Variants in TAS1R3 observed in about 807,000 individuals in gnomAD.
The protein encoded by TAS1R3 is taste 1 receptor member 3.
TAS1R3 carries 58 observed loss-of-function variants against 46.1 expected under a neutral mutation model. The observed-to-expected ratio is 1.26, with a 90% CI of 1.02 to 1.57. TAS1R3 has a LOEUF of 1.57. Among genes scored for constraint, TAS1R3 ranks in the 40% most tolerant of loss-of-function variants. TAS1R3 has a pLI of 0.00. For missense variants in TAS1R3, 1,422 were observed against 1,185.8 expected, an observed-to-expected ratio of 1.20 and a Z score of -2.93; for synonymous variants, 724 against 544.7, an observed-to-expected ratio of 1.33 and a Z score of -4.58.
rs745427512 is a variant in TAS1R3 at position 1,332,636 on chromosome 1, C to A, written c.1105C>A (p.Arg369Ser). 1 of 1,608,586 alleles carries A rather than the reference C, an allele frequency of 6.2e-7. No individual in the cohort carries two copies. Among genetic ancestry groups the A allele is most frequent in the Non-Finnish European group, 8.5e-7 (1 of 1,179,692 alleles). The change falls in exon 3 of 6, where the codon CGC (arginine) becomes AGC (serine). Residue 369 changes from arginine (R) to serine (S), a missense_variant. Physicochemically the swap from Arg to Ser is moderately radical, Grantham distance 110. Transcript: ENST00000339381. ...QGLEEDVVGQ[R>S]CPQCDCITLQ... is the part of the protein sequence containing the mutation. The stretch of plus-strand genomic sequence containing the variant: ...TCTGGAGGAGGACGTGGTGGGCCAG[C>A]GCTGCCCGCAGTGTGACTGCATCAC...
chr1:1,333,045 G>C lies in TAS1R3; in HGVS notation c.1400G>C (p.Arg467Thr). Residue 467 changes from arginine to threonine, a missense_variant, in exon 4 of 6, where the codon AGG (arginine) becomes ACG (threonine). By Grantham distance (71) the Arg-to-Thr change is moderately conservative. Transcript: ENST00000339381. ...KLWVWQGSVP[R>T]LHDVGRFNGS... ...TGGGTGTGGCAGGGCTCAGTGCCCA[G>C]GCTCCACGACGTGGGCAGGTTCAAC... 6.2e-7 allele frequency: 1 copy of C among 1,612,756 alleles called. No homozygotes were observed. Among genetic ancestry groups the C allele is most frequent in the Non-Finnish European group, 8.5e-7 (1 of 1,179,932 alleles).
Position 1,334,412 on chromosome 1 carries a change from A to T in TAS1R3, c.2507A>T (p.Asp836Val). ...TTCTTCCTGGGAGGGGGCCCTGGGG[A>T]TGCCCAAGGCCAGAATGACGGGAAC... ...PEFFLGGGPG[D>V]AQGQNDGNTG... Residue 836 changes from aspartate to valine, a missense_variant, in exon 6 of 6, where the codon GAT becomes GTT. Physicochemically the swap from Asp to Val is radical, Grantham distance 152. Coordinates refer to ENST00000339381, the MANE Select transcript of TAS1R3 (RefSeq NM_152228.3). 6.2e-7 allele frequency: 1 copy of T among 1,604,662 alleles called. No homozygotes were observed. The highest frequency in any genetic ancestry group is 8.5e-7 in the Non-Finnish European group (1 of 1,175,332).
rs1297171240 is a variant in TAS1R3 at position 1,334,658 on chromosome 1, G to A, written c.*194G>A. On this transcript the variant is annotated 3_prime_UTR_variant, in exon 6 of 6. Transcript: ENST00000339381. ...CCCCTGTGACCATCTGGGCCCCAGA[G>A]CCAAGCTGTGTCCCTGTCCCTCTGT... 7 of 628,030 alleles carry A rather than the reference G, an allele frequency of 1.1e-5. No individual in the cohort carries two copies. The highest frequency in any genetic ancestry group is 2.1e-5 in the South Asian group (1 of 46,656). 38.9% of individuals were successfully genotyped at this position (628,030 alleles called of 1,614,324 possible). A position where few individuals can be genotyped will look rare whatever the true frequency, so the allele number is the denominator to read the frequency against.
At chr1:1,331,593 T>C in intron 1 of TAS1R3, 45 bp from the exon 2 acceptor site, 1 of 1,604,802 alleles carries the variant, frequency 6.2e-7, no homozygotes, top group Non-Finnish European at 8.5e-7. Flanking sequence ...GGGGTGCTCC[T>C]GAGCTGGGGC....
chr1:1,333,615 GCTGCTGCTC>G lies in TAS1R3; in HGVS notation c.1719_1727del (p.Leu574_Leu576del). 1 of 1,610,542 alleles carries G rather than the reference GCTGCTGCTC, an allele frequency of 6.2e-7. No homozygotes were observed. The highest frequency in any genetic ancestry group is 1.7e-4 in the Middle Eastern group (1 of 6,060). ...TGGCATGGGGCGAGCCGGCTGTGCT[GCTGCTGCTC>G]CTGCTGCTGAGCCTGGCGCTGGGCC... is the stretch of plus-strand genomic sequence containing the variant. On this transcript the variant is annotated inframe_deletion, in exon 6 of 6. Transcript: ENST00000339381.
At position 1,331,638 on chromosome 1, in the gene TAS1R3, G is replaced by A. The variant is rs753961481; in HGVS notation, c.192G>A (p.Arg64=). 16 of 1,609,016 alleles carry A rather than the reference G, an allele frequency of 9.9e-6. No homozygotes were observed. Among genetic ancestry groups the A allele is most frequent in the Non-Finnish European group, 1.4e-5 (16 of 1,177,148 alleles). Residue 64 remains arginine, a splice_region_variant and synonymous_variant, in exon 2 of 6, where the codon AGG becomes AGA. Coordinates refer to ENST00000339381, the MANE Select transcript of TAS1R3 (RefSeq NM_152228.3). ...CATCTGCGGTTCTGTGTGGCCCCAG[G>A]TTCTCCTCAAACGGCCTGCTCTGGG... The part of the protein sequence containing the change: ...RTRPSSPVCT[R]FSSNGLLWAL...
Position 1,334,334 on chromosome 1 carries a change from A to T in TAS1R3, c.2429A>T (p.His810Leu). Residue 810 changes from histidine (H) to leucine (L), a missense_variant, in exon 6 of 6, where the codon CAC becomes CTC. Transcript: ENST00000339381. ...LCVLGILAAF[H>L]LPRCYLLMRQ... is the part of the protein sequence containing the mutation. ...GTCCTGGGCATCCTGGCTGCCTTCC[A>T]CCTGCCCAGGTGTTACCTGCTCATG... The T allele has an allele frequency of 6.2e-7, 1 of 1,611,316 alleles. No homozygotes were observed. Among genetic ancestry groups the T allele is most frequent in the Non-Finnish European group, 8.5e-7 (1 of 1,179,208 alleles).
chr1:1,333,734 G>A lies in TAS1R3; in HGVS notation c.1829G>A (p.Gly610Asp), dbSNP rs765039824. The A allele has an allele frequency of 5.2e-5, 84 of 1,603,548 alleles. No homozygotes were observed. The Admixed American group carries it at 1.4e-3, about 26-fold the overall frequency. Reference protein sequence around the residue: ...QASGGPLACFGLVCLGLVCLS... With the variant: ...QASGGPLACFDLVCLGLVCLS... The stretch of plus-strand genomic sequence containing the variant: ...TCGGGGGGGCCCCTGGCCTGCTTTG[G>A]CCTGGTGTGCCTGGGCCTGGTCTGC... The change falls in exon 6 of 6, where the codon GGC (glycine) becomes GAC (aspartate). Residue 610 changes from glycine to aspartate, a missense_variant. Coordinates refer to ENST00000339381, the MANE Select transcript of TAS1R3 (RefSeq NM_152228.3).
Position 1,334,625 on chromosome 1 carries a change from C to G in TAS1R3, c.*161C>G. 1 of 781,790 alleles carries G rather than the reference C, an allele frequency of 1.3e-6. No homozygotes were observed. The highest frequency in any genetic ancestry group is 2.0e-6 in the Non-Finnish European group (1 of 505,802). The allele number at this position is 781,790 out of a possible 1,614,324, so 48.4% of individuals were successfully genotyped here. A position where few individuals can be genotyped will look rare whatever the true frequency, so the allele number is the denominator to read the frequency against. ...CACAGTGAGCCCTAGGCCTGGAGCA[C>G]GTGGACACCCCTGTGACCATCTGGG... On this transcript the variant is annotated 3_prime_UTR_variant, in exon 6 of 6. Transcript: ENST00000339381.
In TAS1R3 at chr1:1,334,382, C is replaced by T. The variant is rs749544965; in HGVS notation, c.2477C>T (p.Pro826Leu). 11 of 1,608,568 alleles carry T rather than the reference C, an allele frequency of 6.8e-6. No individual in the cohort carries two copies. In the Admixed American group the frequency reaches 8.4e-5, roughly 12 times the overall value. Residue 826 changes from proline to leucine, a missense_variant, in exon 6 of 6, where the codon CCC (proline) becomes CTC (leucine). Physicochemically the swap from Pro to Leu is moderately conservative, Grantham distance 98. Transcript: ENST00000339381. ...ATGCGGCAGCCAGGGCTCAACACCCCCGAGTTCTTCCTGGGAGGGGGCCCT... is the reference window on the plus strand; with the variant it reads ...ATGCGGCAGCCAGGGCTCAACACCCTCGAGTTCTTCCTGGGAGGGGGCCCT... The part of the protein sequence containing the change: ...LLMRQPGLNT[P>L]EFFLGGGPGD...
Position 1,334,587 on chromosome 1 carries a change from C to T in TAS1R3, c.*123C>T. The stretch of plus-strand genomic sequence containing the variant: ...CTAGGTTCTGACCCCAGGTTGTCTC[C>T]TGACCCTGACCCCACAGTGAGCCCT... On this transcript the variant is annotated 3_prime_UTR_variant, in exon 6 of 6. Coordinates refer to ENST00000339381, the MANE Select transcript of TAS1R3 (RefSeq NM_152228.3). 1 of 1,107,166 alleles carries T rather than the reference C, an allele frequency of 9.0e-7. No homozygotes were observed. The highest frequency in any genetic ancestry group is 1.2e-6 in the Non-Finnish European group (1 of 800,382). The allele number at this position is 1,107,166 out of a possible 1,614,324, so 68.6% of individuals were successfully genotyped here.
chr1:1,334,715 C>A lies in TAS1R3; in HGVS notation c.*251C>A. 2.1e-6 allele frequency: 1 copy of A among 483,846 alleles called. No homozygotes were observed. The highest frequency in any genetic ancestry group is 3.6e-6 in the Non-Finnish European group (1 of 274,478). The allele number at this position is 483,846 out of a possible 1,614,324, so 30.0% of individuals were successfully genotyped here. On this transcript the variant is annotated 3_prime_UTR_variant, in exon 6 of 6. Coordinates refer to ENST00000339381, the MANE Select transcript of TAS1R3 (RefSeq NM_152228.3). ...ACCAGGCCTGCCCAGGTAACCCAGA[C>A]CCACTGTTCTGGAAAGAGGCCCGGA...
At position 1,334,636 on chromosome 1, in the gene TAS1R3, C is replaced by A; in HGVS notation, c.*172C>A. 2 of 708,582 alleles carry A rather than the reference C, an allele frequency of 2.8e-6. No individual in the cohort carries two copies. Among genetic ancestry groups the A allele is most frequent in the Non-Finnish European group, 4.5e-6 (2 of 441,378 alleles). The allele number at this position is 708,582 out of a possible 1,614,324, so 43.9% of individuals were successfully genotyped here. A position where few individuals can be genotyped will look rare whatever the true frequency, so the allele number is the denominator to read the frequency against. On this transcript the variant is annotated 3_prime_UTR_variant, in exon 6 of 6. Coordinates refer to ENST00000339381, the MANE Select transcript of TAS1R3 (RefSeq NM_152228.3). ...CTAGGCCTGGAGCACGTGGACACCC[C>A]TGTGACCATCTGGGCCCCAGAGCCA...
rs1443412129 is a variant in TAS1R3 at position 1,332,436 on chromosome 1, C to A, written c.905C>A (p.Ala302Asp). Residue 302 changes from alanine to aspartate, a missense_variant, in exon 3 of 6, where the codon GCC becomes GAC. Coordinates refer to ENST00000339381, the MANE Select transcript of TAS1R3 (RefSeq NM_152228.3). ...LSPKVWVASE[A>D]WLTSDLVMGL... ...CCCAAGGTGTGGGTGGCCAGCGAGGCCTGGCTGACCTCTGACCTGGTCATG... is the reference window on the plus strand; with the variant it reads ...CCCAAGGTGTGGGTGGCCAGCGAGGACTGGCTGACCTCTGACCTGGTCATG... 16 of 1,608,030 alleles carry A rather than the reference C, an allele frequency of 1.0e-5. No homozygotes were observed. The highest frequency in any genetic ancestry group is 1.2e-5 in the Non-Finnish European group (14 of 1,178,964).
At position 1,331,440 on chromosome 1, in the gene TAS1R3, A is replaced by AG. The variant is rs1557655084; in HGVS notation, c.100dup (p.Asp34GlyfsTer68). On this transcript the variant is annotated frameshift_variant, in exon 1 of 6. Coordinates refer to ENST00000339381, the MANE Select transcript of TAS1R3 (RefSeq NM_152228.3). LOFTEE classifies it high-confidence loss of function. ...TGCCTGTCACAGCAACTTAGGATGAAGGGGGACTACGTGCTGGGGGGGCTG... is the reference window on the plus strand; with the variant it reads ...TGCCTGTCACAGCAACTTAGGATGAAGGGGGGACTACGTGCTGGGGGGGCTG... 26 of 1,604,200 alleles carry AG rather than the reference A, an allele frequency of 1.6e-5. No homozygotes were observed. The highest frequency in any genetic ancestry group is 3.3e-4 in the Middle Eastern group (2 of 6,040).
chr1:1,332,434 G>A lies in TAS1R3; in HGVS notation c.903G>A (p.Glu301=), dbSNP rs1306407334. 1 of 1,607,880 alleles carries A rather than the reference G, an allele frequency of 6.2e-7. No individual in the cohort carries two copies. The highest frequency in any genetic ancestry group is 8.5e-7 in the Non-Finnish European group (1 of 1,178,932). ...CGCCCAAGGTGTGGGTGGCCAGCGA[G>A]GCCTGGCTGACCTCTGACCTGGTCA... ...RLSPKVWVAS[E]AWLTSDLVMG... is the part of the protein sequence containing the mutation. The change falls in exon 3 of 6, where the codon GAG becomes GAA. Residue 301 remains glutamate, a synonymous_variant. Transcript: ENST00000339381.
rs1411531324 is a variant in TAS1R3 at position 1,332,194 on chromosome 1, G to T, written c.663G>T (p.Gln221His). ...GCAGCGACGACGAGTACGGCCGGCA[G>T]GGCCTGAGCATCTTCTCGGCCCTGG... ...ALGSDDEYGRQGLSIFSALAA... is the reference protein window; with the variant it reads ...ALGSDDEYGRHGLSIFSALAA... The change falls in exon 3 of 6, where the codon CAG (glutamine) becomes CAT (histidine). Residue 221 changes from glutamine to histidine, a missense_variant. Coordinates refer to ENST00000339381, the MANE Select transcript of TAS1R3 (RefSeq NM_152228.3). 1 of 1,595,224 alleles carries T rather than the reference G, an allele frequency of 6.3e-7. No individual in the cohort carries two copies. The highest frequency in any genetic ancestry group is 1.1e-5 in the South Asian group (1 of 90,638).
chr1:1,332,605 G>A lies in TAS1R3; in HGVS notation c.1074G>A (p.Glu358=). Residue 358 remains glutamate, a synonymous_variant, in exon 3 of 6, where the codon GAG becomes GAA. Transcript: ENST00000339381. ...TCTGCTCTGCCCTGGGCGAGAGGGA[G>A]CAGGGTCTGGAGGAGGACGTGGTGG... ...PAFCSALGER[E]QGLEEDVVGQ... The A allele has an allele frequency of 1.2e-6, 2 of 1,610,946 alleles. No individual in the cohort carries two copies. Among genetic ancestry groups the A allele is most frequent in the South Asian group, 1.1e-5 (1 of 91,068 alleles).
Position 1,335,102 on chromosome 1 carries a change from T to C in TAS1R3, c.*638T>C, listed in dbSNP as rs377021118. ...CACCAGGACCCCGGAGCCAGCACCA[T>C]GGACAGAAAACTGCCCACCAGGATC... On this transcript the variant is annotated 3_prime_UTR_variant, in exon 6 of 6. Coordinates refer to ENST00000339381, the MANE Select transcript of TAS1R3 (RefSeq NM_152228.3). 337 of 152,478 alleles carry C rather than the reference T, an allele frequency of 2.2e-3. 12 individuals carry two copies. The South Asian group carries it at 0.068, about 31-fold the overall frequency. The allele number at this position is 152,478 out of a possible 1,614,324, so 9.4% of individuals were successfully genotyped here. A position where few individuals can be genotyped will look rare whatever the true frequency, so the allele number is the denominator to read the frequency against.
Sources: gnomAD v4.1 joint callset for allele counts on GRCh38, gnomAD v4.1.1 for gene constraint, MANE v1.5 for transcripts, NCBI Gene and HGNC (gene_info 2026-07-23, HGNC 2026-07-21) for gene names.